SPAG8: variants seen among roughly 807,000 people sequenced by gnomAD.
SPAG8 encodes sperm-associated antigen 8.
In SPAG8, 36 loss-of-function variants were observed where a neutral mutation model predicts 45.3. The ratio of observed to expected loss-of-function variants is 0.80; its 90% CI spans 0.61 to 1.05. The LOEUF (loss-of-function observed/expected upper bound fraction) is 1.05. Ranked by LOEUF, SPAG8 falls within the 50% of genes least tolerant of loss-of-function variation. The pLI, the probability that SPAG8 is intolerant of heterozygous loss-of-function variation, is 0.00. For synonymous variants in SPAG8, 227 were observed against 232.6 expected (o/e 0.98, Z 0.22); for missense variants, 573 against 609.2 (o/e 0.94, Z 0.63).
rs1325735437 is a variant in SPAG8 at position 35,811,695 on chromosome 9, A to T, written c.351T>A (p.Tyr117Ter). Residue 117 changes from tyrosine (Y) to a stop codon, truncating the protein, a stop_gained, in exon 2 of 7, where the codon TAT (tyrosine) becomes TAA (stop). Coordinates refer to ENST00000396638, the MANE Select transcript of SPAG8 (RefSeq NM_001039592.2). LOFTEE classifies it high-confidence loss of function. Reference protein sequence around the residue: ...AHGSLGFEPVYVSCIAQDTCT... With the variant: ...AHGSLGFEPV ...AAGTGTCCTGAGCAATACAGGAAAC[A>T]TAGACGGGCTCAAAGCCAAGACTCC... is the stretch of plus-strand genomic sequence containing the variant. 2 of 1,614,236 alleles carry T rather than the reference A, an allele frequency of 1.2e-6. No individual in the cohort carries two copies. Among genetic ancestry groups the T allele is most frequent in the Admixed American group, 3.3e-5 (2 of 60,032 alleles).
Position 35,811,280 on chromosome 9 carries a change from G to C in SPAG8, c.766C>G (p.Arg256Gly). 6.2e-7 allele frequency: 1 copy of C among 1,613,848 alleles called. No individual in the cohort carries two copies. Among genetic ancestry groups the C allele is most frequent in the Non-Finnish European group, 8.5e-7 (1 of 1,179,850 alleles). ...ATGTCTGGGGGTTTCCATAGTCCTC[G>C]GGCACCCGGTTCTAAGACTTGCAAA... Reference protein sequence around the residue: ...EFLQVLEPGARGLWKPPDIKG... With the variant: ...EFLQVLEPGAGGLWKPPDIKG... The change falls in exon 2 of 7, where the codon CGA becomes GGA. Residue 256 changes from arginine (R) to glycine (G), a missense_variant. Transcript: ENST00000396638.
downstream of SPAG8, chr9:35,809,746 G>C: frequency 7.0e-7 from 1 of 1,427,706 alleles, no homozygotes; most frequent in South Asian, 1.2e-5. The surrounding 1 kb of genome is among the most constrained non-coding windows in gnomAD (Gnocchi z 4.1). Flanking sequence ...GTGGGATAGG[G>C]GCAATCCCAA....
rs1828815053 is a variant in SPAG8, at chr9:35,811,760, G to T, written c.286C>A (p.Pro96Thr). 1 of 1,614,222 alleles carries T rather than the reference G, an allele frequency of 6.2e-7. No homozygotes were observed. The highest frequency in any genetic ancestry group is 2.2e-5 in the East Asian group (1 of 44,886). ...PSSDPSLLGE[P>T]CAGPGFTHNI... Reference sequence around the variant, plus strand: ...TGGGTAAAGCCGGGTCCCGCACAGGGCTCCCCAAGAAGGCTGGGGTCAGAG... The same window carrying T: ...TGGGTAAAGCCGGGTCCCGCACAGGTCTCCCCAAGAAGGCTGGGGTCAGAG... The change falls in exon 2 of 7, where the codon CCC becomes ACC. Residue 96 changes from proline to threonine, a missense_variant. Transcript: ENST00000396638.
At position 35,812,161 on chromosome 9, in the gene SPAG8, C is replaced by A; in HGVS notation, c.-14G>T. The A allele has an allele frequency of 1.2e-6, 2 of 1,603,708 alleles. No homozygotes were observed. The highest frequency in any genetic ancestry group is 1.7e-5 in the Admixed American group (1 of 59,976). On this transcript the variant is annotated 5_prime_UTR_variant, in exon 1 of 7. The change abolishes the stop of an existing upstream ORF in the 5' untranslated region. Coordinates refer to ENST00000396638, the MANE Select transcript of SPAG8 (RefSeq NM_001039592.2). ...GTTGGTCTCCATCTTCAGACTCCAG[C>A]TACTGGGTTGCCATAGAGACAGCAA...
chr9:35,808,218 T>C (rs1828520363), downstream of SPAG8: 3 of 1,614,050 alleles, frequency 1.9e-6, no homozygotes, highest in African/African-American at 2.7e-5. This position sits in a 1 kb window ranked among gnomAD's most constrained non-coding sequence, Gnocchi z 4.0. Flanking sequence ...TGCTTCCCAT[T>C]TCCTGATGGC....
chr9:35,809,261 A>G (rs375292860), downstream of SPAG8: 33 of 1,609,238 alleles, frequency 2.1e-5, no homozygotes, highest in Non-Finnish European at 2.8e-5. This position sits in a 1 kb window ranked among gnomAD's most constrained non-coding sequence, Gnocchi z 4.1. Flanking sequence ...ATGGCAGGCC[A>G]TGGGGAGGGG....
chr9:35,811,779 G>A lies in SPAG8; in HGVS notation c.267C>T (p.Asp89=). The A allele has an allele frequency of 6.2e-7, 1 of 1,614,244 alleles. No homozygotes were observed. The highest frequency in any genetic ancestry group is 1.1e-5 in the South Asian group (1 of 91,088). Reference sequence around the variant, plus strand: ...CACAGGGCTCCCCAAGAAGGCTGGGGTCAGAGGACGGCTCCATGAACTCAG... The same window carrying A: ...CACAGGGCTCCCCAAGAAGGCTGGGATCAGAGGACGGCTCCATGAACTCAG... The part of the protein sequence containing the change: ...PCSEFMEPSS[D]PSLLGEPCAG... Residue 89 remains aspartate (D), a synonymous_variant, in exon 2 of 7, where the codon GAC becomes GAT. Coordinates refer to ENST00000396638, the MANE Select transcript of SPAG8 (RefSeq NM_001039592.2).
downstream of SPAG8, chr9:35,808,485 C>T: frequency 6.2e-7 from 1 of 1,611,948 alleles, no homozygotes; most frequent in Non-Finnish European, 8.5e-7. This position sits in a 1 kb window ranked among gnomAD's most constrained non-coding sequence, Gnocchi z 4.0. Context: ...ATAGAGGTGA[C>T]CTTTTAATCC....
In SPAG8 at chr9:35,810,048, G is replaced by C. The variant is rs765851488; in HGVS notation, c.1348C>G (p.Leu450Val). ...TAATTCTCAGGTTCATAGGGCAAAA[G>C]TTTCCCCAGAGACAAGGGTACTGGT... Reference protein sequence around the residue: ...STPVPLSLGKLLPYEPENYPY... With the variant: ...STPVPLSLGKVLPYEPENYPY... Residue 450 changes from leucine to valine, a missense_variant, in exon 7 of 7, where the codon CTT becomes GTT. Transcript: ENST00000396638. The C allele has an allele frequency of 6.2e-7, 1 of 1,613,794 alleles. No homozygotes were observed. The highest frequency in any genetic ancestry group is 1.3e-5 in the African/African-American group (1 of 74,898).
chr9:35,808,203 T>C (rs780926461), downstream of SPAG8: 1 of 1,614,202 alleles, frequency 6.2e-7, no homozygotes, highest in South Asian at 1.1e-5. This position sits in a 1 kb window ranked among gnomAD's most constrained non-coding sequence, Gnocchi z 4.0. Flanking sequence ...GAGTTACCGT[T>C]TTCTTGCTTC....
Position 35,810,507 on chromosome 9 carries a change from C to T in SPAG8, c.1132G>A (p.Val378Ile), listed in dbSNP as rs1407007628. The T allele has an allele frequency of 7.4e-6, 12 of 1,614,074 alleles. No homozygotes were observed. The highest frequency in any genetic ancestry group is 2.2e-5 in the East Asian group (1 of 44,900). The change falls in exon 5 of 7, where the codon GTT (valine) becomes ATT (isoleucine). Residue 378 changes from valine (V) to isoleucine (I), a missense_variant. Val to Ile is a conservative substitution (Grantham distance 29, BLOSUM62 3). Transcript: ENST00000396638. The part of the protein sequence containing the change: ...EQEPTRKLFE[V>I]ESVTHHDYRM... ...TAGTCATGGTGTGTCACAGACTCAA[C>T]CTCGAAGAGCTTCCTTGTGGGTTCC...
chr9:35,809,270 G>C, downstream of SPAG8: 1 of 1,612,284 alleles, frequency 6.2e-7, no homozygotes, highest in Non-Finnish European at 8.5e-7. This position sits in a 1 kb window ranked among gnomAD's most constrained non-coding sequence, Gnocchi z 4.1. Flanking sequence ...CATGGGGAGG[G>C]GGGCATGGAA....
chr9:35,809,419 C>A (rs755731628), downstream of SPAG8: 5 of 1,614,000 alleles, frequency 3.1e-6, no homozygotes, highest in African/African-American at 6.7e-5. The surrounding 1 kb of genome is among the most constrained non-coding windows in gnomAD (Gnocchi z 4.1). Context: ...CTTAGGAGAG[C>A]GGAAAGGACC....
downstream of SPAG8, chr9:35,809,296 G>T: frequency 1.2e-6 from 2 of 1,610,758 alleles, no homozygotes; most frequent in South Asian, 1.1e-5. The surrounding 1 kb of genome is among the most constrained non-coding windows in gnomAD (Gnocchi z 4.1). Context: ...GGGTGAAAGT[G>T]ATTATGGGAA....
chr9:35,808,590 C>T (rs760285654), downstream of SPAG8: 9 of 1,614,092 alleles, frequency 5.6e-6, no homozygotes, highest in Admixed American at 1.7e-5. This position sits in a 1 kb window ranked among gnomAD's most constrained non-coding sequence, Gnocchi z 4.0. Context: ...AGAAATTGCT[C>T]GTATGGCCCT....
downstream of SPAG8, chr9:35,807,943 G>A (rs553859234): frequency 9.2e-6 from 5 of 544,654 alleles, no homozygotes; most frequent in African/African-American, 9.5e-5. Context: ...TCGTTGTATG[G>A]AAAGTACCTA....
In SPAG8 at chr9:35,811,361, T is replaced by C; in HGVS notation, c.685A>G (p.Thr229Ala). The change falls in exon 2 of 7, where the codon ACC (threonine) becomes GCC (alanine). Residue 229 changes from threonine to alanine, a missense_variant. Thr to Ala is a moderately conservative substitution (Grantham distance 58). Coordinates refer to ENST00000396638, the MANE Select transcript of SPAG8 (RefSeq NM_001039592.2). The part of the protein sequence containing the change: ...NLVADRVPNY[T>A]SWSQHCPWEP... Reference sequence around the variant, plus strand: ...CAGGGGCAGTGCTGACTCCAGGAGGTATAGTTAGGGACCCGATCTGCCACC... The same window carrying C: ...CAGGGGCAGTGCTGACTCCAGGAGGCATAGTTAGGGACCCGATCTGCCACC... 2 of 1,613,692 alleles carry C rather than the reference T, an allele frequency of 1.2e-6. No individual in the cohort carries two copies. The highest frequency in any genetic ancestry group is 2.2e-5 in the East Asian group (1 of 44,866).
At chr9:35,810,705 G>A (rs1344408723) in intron 3 of SPAG8, 23 bp from the exon 4 acceptor site, 1 of 1,614,026 alleles carries the variant, frequency 6.2e-7, no homozygotes, top group Non-Finnish European at 8.5e-7. Flanking sequence ...TGGGGGGTGG[G>A]CAAGGTGGGG....
Position 35,811,681 on chromosome 9 carries a change from G to C in SPAG8, c.365C>G (p.Ala122Gly). 1.2e-6 allele frequency: 2 copies of C among 1,614,224 alleles called. No homozygotes were observed. The highest frequency in any genetic ancestry group is 4.5e-5 in the East Asian group (2 of 44,880). Residue 122 changes from alanine (A) to glycine (G), a missense_variant, in exon 2 of 7, where the codon GCT (alanine) becomes GGT (glycine). Transcript: ENST00000396638. ...GTCAGTTGTAGTGCAAGTGTCCTGA[G>C]CAATACAGGAAACATAGACGGGCTC... is the stretch of plus-strand genomic sequence containing the variant. ...GFEPVYVSCIAQDTCTTTDHS... is the reference protein window; with the variant it reads ...GFEPVYVSCIGQDTCTTTDHS...
Sources: allele counts gnomAD v4.1 joint callset, GRCh38; gene constraint gnomAD v4.1.1; non-coding constraint Gnocchi (gnomAD v3.1); transcripts MANE v1.5; gene names NCBI Gene and HGNC (gene_info 2026-07-23, HGNC 2026-07-21).